The following CRYBG1 variants were observed in gnomAD, a reference collection of about 807,000 sequenced individuals.
The protein encoded by CRYBG1 is crystallin beta-gamma domain containing 1.
A neutral mutation model predicts 189.2 loss-of-function variants in CRYBG1; 139 were observed. That is an observed-to-expected ratio of 0.73 (90% CI 0.64 to 0.85). CRYBG1 has a LOEUF of 0.85. CRYBG1 is among the 40% of genes least tolerant of loss of function. The probability of loss-of-function intolerance (pLI) is 0.00; values close to 1 mark genes in which losing one functional copy is unlikely to be tolerated. For synonymous variants in CRYBG1, 1,023 were observed against 1,017.1 expected (o/e 1.01, Z -0.11); for missense variants, 2,611 against 2,675.8 (o/e 0.98, Z 0.53).
At chr6:106,452,259 A>AC (rs1322050165) in intron 2 of CRYBG1, among the ~76,000 whole-genome samples, 2,617 of 148,644 alleles carry the variant, frequency 0.018, 91 homozygotes, top group African/African-American at 0.062. Flanking sequence ...AAAAAAAAAA[A>AC]AAAAAACAAA....
intron 2 of CRYBG1, among the ~76,000 whole-genome samples, chr6:106,471,436 A>G (rs1191581039): frequency 6.6e-6 from 1 of 152,176 alleles, no homozygotes; most frequent in Non-Finnish European, 1.5e-5. Context: ...GCTGATAGCT[A>G]ATGCTGGTCT....
chr6:106,500,533 A>T (rs1772985319), intron 2 of CRYBG1, among the ~76,000 whole-genome samples: 1 of 150,964 alleles, frequency 6.6e-6, no homozygotes, highest in African/African-American at 2.4e-5. Flanking sequence ...TGCTGTTGAG[A>T]TGTCTGAATT....
chr6:106,549,982 G>T (rs1774359332), intron 13 of CRYBG1, among the ~76,000 whole-genome samples: 3 of 152,230 alleles, frequency 2.0e-5, no homozygotes, highest in African/African-American at 4.8e-5. Flanking sequence ...CACAAAGCAA[G>T]GAGAGCCTGG....
chr6:106,468,617 T>C (rs899312367), intron 2 of CRYBG1, among the ~76,000 whole-genome samples: 1 of 152,056 alleles, frequency 6.6e-6, no homozygotes, highest in Non-Finnish European at 1.5e-5. Flanking sequence ...TTGAACCCAC[T>C]AGATGGAGGC....
intron 2 of CRYBG1, among the ~76,000 whole-genome samples, chr6:106,457,875 TAGAG>T (rs1173825692): frequency 2.0e-5 from 3 of 152,090 alleles, no homozygotes; most frequent in Non-Finnish European, 4.4e-5. Flanking sequence ...AAATGGAAAA[TAGAG>T]AGCAATGTAT....
chr6:106,412,360 T>C (rs1336529170), intron 1 of CRYBG1, among the ~76,000 whole-genome samples: 1 of 152,262 alleles, frequency 6.6e-6, no homozygotes, highest in Non-Finnish European at 1.5e-5. Flanking sequence ...TGCTTTTGAG[T>C]GTAATTATGT....
At chr6:106,539,355 C>A (rs1774077692) in intron 8 of CRYBG1, 48 bp from the exon 9 acceptor site, 2 of 1,603,344 alleles carry the variant, frequency 1.2e-6, no homozygotes, top group African/African-American at 1.3e-5. Flanking sequence ...AAAACTGAAA[C>A]AAATGATGAG....
At chr6:106,503,726 C>T (rs938202681) in intron 2 of CRYBG1, among the ~76,000 whole-genome samples, 5 of 152,028 alleles carry the variant, frequency 3.3e-5, no homozygotes, top group Admixed American at 2.0e-4. Context: ...GATCATGTGT[C>T]GATGGCTTGA....
intron 1 of CRYBG1, among the ~76,000 whole-genome samples, chr6:106,404,283 T>C (rs1770775335): frequency 6.6e-6 from 1 of 152,240 alleles, no homozygotes; most frequent in Non-Finnish European, 1.5e-5. Flanking sequence ...CCCATTGTAC[T>C]ACACTGTTTC....
At chr6:106,464,649 T>C (rs577859077) in intron 2 of CRYBG1, among the ~76,000 whole-genome samples, 2 of 152,212 alleles carry the variant, frequency 1.3e-5, no homozygotes, top group Admixed American at 6.5e-5. Context: ...TTCTGAGCAT[T>C]GATGCTATAA....
chr6:106,467,484 AAAG>A (rs1290685665), intron 2 of CRYBG1, among the ~76,000 whole-genome samples: 2 of 152,138 alleles, frequency 1.3e-5, no homozygotes, highest in Admixed American at 1.3e-4. Context: ...AGAAAAGAAA[AAAG>A]AAAAGAAAAC....
intron 1 of CRYBG1, among the ~76,000 whole-genome samples, chr6:106,391,994 G>A (rs1438441985): frequency 1.3e-5 from 2 of 149,656 alleles, no homozygotes; most frequent in Non-Finnish European, 1.5e-5. Flanking sequence ...CTGAAAAGGG[G>A]CAGAAAGCAA....
At chr6:106,401,972 C>T (rs1189448589) in intron 1 of CRYBG1, among the ~76,000 whole-genome samples, 1 of 151,234 alleles carries the variant, frequency 6.6e-6, no homozygotes, top group African/African-American at 2.4e-5. Flanking sequence ...AATCAATGTA[C>T]AAAAATCACA....
At chr6:106,419,145 A>G (rs1205075056) in intron 1 of CRYBG1, among the ~76,000 whole-genome samples, 1 of 152,140 alleles carries the variant, frequency 6.6e-6, no homozygotes, top group African/African-American at 2.4e-5. Context: ...CATTTTTCCT[A>G]TTGAAACAGC....
chr6:106,488,278 G>A (rs137996519), intron 2 of CRYBG1, among the ~76,000 whole-genome samples: 1,887 of 152,268 alleles, frequency 0.012, 30 homozygotes, highest in Middle Eastern at 0.099. Context: ...GGTCAGATGC[G>A]TATAGGTTAG....
chr6:106,417,707 AG>A (rs1771050778), intron 1 of CRYBG1, among the ~76,000 whole-genome samples: 1 of 152,156 alleles, frequency 6.6e-6, no homozygotes, highest in Non-Finnish European at 1.5e-5. Context: ...CCCTTGTGGG[AG>A]GGAGAATGTG....
At chr6:106,368,210 G>A (rs751184731) in intron 1 of CRYBG1, among the ~76,000 whole-genome samples, 3 of 152,014 alleles carry the variant, frequency 2.0e-5, no homozygotes, top group Non-Finnish European at 4.4e-5. Context: ...TTGAGGCCAG[G>A]AGTTTGAGAG....
At chr6:106,550,308 G>A (rs9386566) in intron 13 of CRYBG1, among the ~76,000 whole-genome samples, 111,139 of 152,094 alleles carry the variant, frequency 0.73, 42,796 homozygotes, top group South Asian at 0.92. Context: ...GCAAAGTTCT[G>A]ATCACCCTAC....
intron 1 of CRYBG1, among the ~76,000 whole-genome samples, chr6:106,409,438 C>T (rs1292112028): frequency 6.6e-6 from 1 of 152,116 alleles, no homozygotes; most frequent in Non-Finnish European, 1.5e-5. Context: ...GTGAAAATGG[C>T]CATACTTCCC....
Sources: gnomAD v4.1 joint callset for allele counts (sites outside exome capture counted in the v4.1 genomes callset) on GRCh38, gnomAD v4.1.1 for gene constraint, MANE v1.5 for transcripts, NCBI Gene and HGNC (gene_info 2026-07-23, HGNC 2026-07-21) for gene names.